The following CERK variants were observed in gnomAD, a reference collection of about 807,000 sequenced individuals.
CERK encodes ceramide kinase, also known as acylsphingosine kinase.
CERK carries 39 observed loss-of-function variants against 63.4 expected under a neutral mutation model. The ratio of observed to expected loss-of-function variants is 0.61; its 90% CI spans 0.48 to 0.80. The LOEUF (loss-of-function observed/expected upper bound fraction) is 0.80, where lower values mean the gene tolerates loss of function less well. CERK is among the 30% of genes least tolerant of loss of function. The pLI is 0.00. For synonymous variants in CERK, 302 were observed against 280.0 expected, an observed-to-expected ratio of 1.08 and a Z score of -0.78; for missense variants, 670 against 714.1, an observed-to-expected ratio of 0.94 and a Z score of 0.70.
chr22:46,699,285 G>A (rs1338721022), intron 8 of CERK, 28 bp downstream of exon 8: 2 of 1,611,548 alleles, frequency 1.2e-6, no homozygotes, highest in South Asian at 1.1e-5. Context: ...CGACCAGCGG[G>A]GAGCGAGTCT....
chr22:46,727,017 A>C (rs2082921907), intron 1 of CERK, among the ~76,000 whole-genome samples: 2 of 152,168 alleles, frequency 1.3e-5, no homozygotes, highest in African/African-American at 4.8e-5. Flanking sequence ...ACAATTTTAA[A>C]AGGAAGAGAA....
intron 1 of CERK, among the ~76,000 whole-genome samples, chr22:46,723,563 G>A (rs1016280504): frequency 6.7e-6 from 1 of 149,840 alleles, no homozygotes; most frequent in Non-Finnish European, 1.5e-5. Flanking sequence ...AGGTTGCCGT[G>A]AGCCGAGATC....
intron 1 of CERK, among the ~76,000 whole-genome samples, chr22:46,723,096 C>T (rs755026082): frequency 4.1e-4 from 63 of 152,192 alleles, no homozygotes; most frequent in African/African-American, 1.3e-3. Flanking sequence ...GGACCAAGGA[C>T]GCCCTGGGGT....
chr22:46,688,137 G>A lies in CERK; in HGVS notation c.1542-931C>T, dbSNP rs6008951. 2.8e-3 allele frequency among the ~76,000 whole-genome samples: 433 copies of A among 152,242 alleles called. 5 individuals carry two copies. Among genetic ancestry groups the A allele is most frequent in the African/African-American group, 0.01 (416 of 41,516 alleles). ...TGGGAGGCAGAGGTTGCAGTGAGCC[G>A]AGACCTCGCCATTGCACTCCAGCCT... On this transcript the variant is annotated intron_variant, in intron 12 of 12. Transcript: ENST00000216264.
rs2082931090 is a variant in CERK, at chr22:46,728,572, C to A, written c.143-7557G>T. 2.0e-5 allele frequency among the ~76,000 whole-genome samples: 3 copies of A among 152,324 alleles called. No individual in the cohort carries two copies. In the South Asian group the frequency reaches 6.2e-4, roughly 32 times the overall value. Reference sequence around the variant, plus strand: ...GCAGCACTGCAGGGCACAGTACACGCTGGCCTAAATGGAAAGCAGCATTCA... The same window carrying A: ...GCAGCACTGCAGGGCACAGTACACGATGGCCTAAATGGAAAGCAGCATTCA... On this transcript the variant is annotated intron_variant, in intron 1 of 12. Coordinates refer to ENST00000216264, the MANE Select transcript of CERK (RefSeq NM_022766.6).
chr22:46,715,079 C>T (rs1031858283), intron 3 of CERK, among the ~76,000 whole-genome samples: 4 of 151,528 alleles, frequency 2.6e-5, no homozygotes, highest in Admixed American at 2.0e-4. Context: ...AAAACCAAAA[C>T]TCTCAGAAAA....
Position 46,711,037 on chromosome 22 carries a change from C to CT in CERK, c.569+48dup, listed in dbSNP as rs2082838210. The CT allele has an allele frequency of 7.9e-6, 12 of 1,523,784 alleles. No individual in the cohort carries two copies. The East Asian group carries it at 2.7e-4, about 35-fold the overall frequency. 94.4% of individuals were successfully genotyped at this position (1,523,784 alleles called of 1,614,324 possible). ...TCTCAAAACTGAGAGGTGGGTAGAACTTTTTCATTAACAATGGACTTGATG... is the reference window on the plus strand; with the variant it reads ...TCTCAAAACTGAGAGGTGGGTAGAACTTTTTTCATTAACAATGGACTTGATG... On this transcript the variant is annotated intron_variant, in intron 5 of 12. Transcript: ENST00000216264.
chr22:46,730,039 A>AAAACAAAC lies in CERK; in HGVS notation c.142+7960_142+7967dup, dbSNP rs150531711. 5.4e-3 allele frequency among the ~76,000 whole-genome samples: 812 copies of AAAACAAAC among 150,336 alleles called. 5 individuals carry two copies. Among genetic ancestry groups the AAAACAAAC allele is most frequent in the Middle Eastern group, 0.017 (5 of 292 alleles). On this transcript the variant is annotated intron_variant, in intron 1 of 12. Coordinates refer to ENST00000216264, the MANE Select transcript of CERK (RefSeq NM_022766.6). Reference sequence around the variant, plus strand: ...GGGTGACAGATCGAGACTCCATCTCAAAACAAACAAACAAACAAACAAACA... The same window carrying AAAACAAAC: ...GGGTGACAGATCGAGACTCCATCTCAAAACAAACAAACAAACAAACAAACAAACAAACA...
chr22:46,688,351 A>G (rs973770827), intron 12 of CERK, among the ~76,000 whole-genome samples: 2 of 152,240 alleles, frequency 1.3e-5, no homozygotes, highest in African/African-American at 4.8e-5. Context: ...CTGATTTTCA[A>G]ATTATTCTAT....
intron 12 of CERK, among the ~76,000 whole-genome samples, chr22:46,688,093 CAGG>C (rs1349962632): frequency 6.6e-6 from 1 of 152,102 alleles, no homozygotes; most frequent in Non-Finnish European, 1.5e-5. Context: ...GAGGCTGAGG[CAGG>C]AGAATTGCTT....
chr22:46,732,363 G>A (rs908897309), intron 1 of CERK, among the ~76,000 whole-genome samples: 3 of 148,596 alleles, frequency 2.0e-5, no homozygotes, highest in African/African-American at 7.4e-5. Flanking sequence ...CAAAAGGCAG[G>A]ACTCAGCTGC....
At chr22:46,695,423 C>T (rs2146547016) in intron 8 of CERK, 108 bp from the exon 9 acceptor site, 1 of 759,794 alleles carries the variant, frequency 1.3e-6, no homozygotes, top group South Asian at 1.4e-5. Context: ...TCTGCCTAAA[C>T]CGTCTGCAGG....
chr22:46,708,439 G>A (rs1341696460), intron 5 of CERK, among the ~76,000 whole-genome samples: 3 of 152,276 alleles, frequency 2.0e-5, no homozygotes, highest in Non-Finnish European at 4.4e-5. Flanking sequence ...TAAGCTGGCT[G>A]TGCAGCCTTG....
At chr22:46,736,520 G>C (rs2082974542) in intron 1 of CERK, among the ~76,000 whole-genome samples, 1 of 152,242 alleles carries the variant, frequency 6.6e-6, no homozygotes, top group Non-Finnish European at 1.5e-5. Context: ...GTGCTTGGGG[G>C]AGGCAGTCAT....
chr22:46,698,136 A>C (rs766125738), intron 8 of CERK, among the ~76,000 whole-genome samples: 16 of 152,246 alleles, frequency 1.1e-4, no homozygotes, highest in Admixed American at 9.8e-4. Context: ...CACTGGGCTC[A>C]AGAAAGAGTG....
intron 5 of CERK, among the ~76,000 whole-genome samples, chr22:46,709,443 A>G (rs998913406): frequency 5.9e-5 from 9 of 152,146 alleles, no homozygotes; most frequent in African/African-American, 1.9e-4. Flanking sequence ...GGAGATGTGC[A>G]TGGAGGAGCC....
intron 1 of CERK, among the ~76,000 whole-genome samples, chr22:46,732,724 G>A (rs9615407): frequency 9.4e-4 from 142 of 151,818 alleles, no homozygotes; most frequent in Non-Finnish European, 1.6e-3. Flanking sequence ...CTGTGCTTTC[G>A]CCCTTCCCCA....
chr22:46,705,068 C>T (rs1029977292), intron 6 of CERK, among the ~76,000 whole-genome samples: 3 of 152,238 alleles, frequency 2.0e-5, no homozygotes, highest in Non-Finnish European at 2.9e-5. Context: ...AACCTCCAGG[C>T]TGTGCCAGGC....
intron 11 of CERK, among the ~76,000 whole-genome samples, chr22:46,690,882 G>A (rs981232549): frequency 2.0e-5 from 3 of 152,290 alleles, no homozygotes; most frequent in Non-Finnish European, 4.4e-5. Context: ...GAAACAACGG[G>A]TAAGAAGTTG....
Sources: allele counts gnomAD v4.1 joint callset (sites outside exome capture counted in the v4.1 genomes callset), GRCh38; gene constraint gnomAD v4.1.1; transcripts MANE v1.5; gene names NCBI Gene and HGNC (gene_info 2026-07-23, HGNC 2026-07-21).